The following AGBL4 variants were observed in gnomAD, a reference collection of about 807,000 sequenced individuals.
AGBL4 encodes the protein AGBL carboxypeptidase 4, also known as cytosolic carboxypeptidase 6.
In AGBL4, 58 loss-of-function variants were observed where a neutral mutation model predicts 66.4. The ratio of observed to expected loss-of-function variants is 0.87; its 90% CI spans 0.71 to 1.09. The LOEUF (loss-of-function observed/expected upper bound fraction) is 1.09, where lower values mean the gene tolerates loss of function less well. Among genes scored for constraint, AGBL4 ranks in the 50% least tolerant of loss-of-function variants. The pLI is 0.00. For synonymous variants in AGBL4, 234 were observed against 222.9 expected (o/e 1.05, Z -0.44); for missense variants, 579 against 631.0 (o/e 0.92, Z 0.88).
intron 6 of AGBL4, among the ~76,000 whole-genome samples, chr1:48,768,962 A>G (rs1226469656): frequency 6.6e-6 from 1 of 152,070 alleles, no homozygotes; most frequent in East Asian, 1.9e-4. Flanking sequence ...CCAAGACTAC[A>G]AAAAAAAGAG....
Position 49,662,012 on chromosome 1 carries a change from A to T in AGBL4, c.282+35301T>A, listed in dbSNP as rs555752969. Among the ~76,000 whole-genome samples the T allele has an allele frequency of 2.0e-5, 3 of 152,134 alleles. No homozygotes were observed. In the South Asian group the frequency reaches 6.2e-4, roughly 32 times the overall value. Reference sequence around the variant, plus strand: ...ATAATTTATTATTGATACATGTAACAACAAAAATAAATCTCAAGTAATCAT... The same window carrying T: ...ATAATTTATTATTGATACATGTAACTACAAAAATAAATCTCAAGTAATCAT... On this transcript the variant is annotated intron_variant, in intron 3 of 13. Transcript: ENST00000371839.
chr1:49,749,147 C>T (rs777538383), intron 2 of AGBL4, among the ~76,000 whole-genome samples: 4 of 152,052 alleles, frequency 2.6e-5, no homozygotes, highest in Non-Finnish European at 4.4e-5. Context: ...TTAGGTCTTA[C>T]GTTTAAGTCT....
At chr1:49,620,557 T>C (rs1390984311) in intron 3 of AGBL4, among the ~76,000 whole-genome samples, 2 of 152,256 alleles carry the variant, frequency 1.3e-5, no homozygotes, top group East Asian at 3.9e-4. Flanking sequence ...GAAGACAATA[T>C]GGTGATTCTT....
chr1:49,629,527 G>T (rs1267196073), intron 3 of AGBL4, among the ~76,000 whole-genome samples: 1 of 152,064 alleles, frequency 6.6e-6, no homozygotes, highest in East Asian at 1.9e-4. Flanking sequence ...AATGGCCACT[G>T]GGTTGTTCAT....
chr1:49,173,723 A>AAAGGTGAC (rs1646780011), intron 4 of AGBL4, among the ~76,000 whole-genome samples: 1 of 152,226 alleles, frequency 6.6e-6, no homozygotes, highest in East Asian at 1.9e-4. Context: ...TGTGGTCAGG[A>AAAGGTGAC]AAGGTGACAT....
intron 3 of AGBL4, among the ~76,000 whole-genome samples, chr1:49,624,931 G>A (rs1571200327): frequency 6.6e-6 from 1 of 152,218 alleles, no homozygotes. Flanking sequence ...GCAGAGATGA[G>A]ATTTTTTTTC....
At chr1:49,757,080 C>G (rs1352558982) in intron 2 of AGBL4, among the ~76,000 whole-genome samples, 1 of 152,054 alleles carries the variant, frequency 6.6e-6, no homozygotes, top group Non-Finnish European at 1.5e-5. Flanking sequence ...GGGGGCAGTT[C>G]CCTCATGCTG....
intron 6 of AGBL4, among the ~76,000 whole-genome samples, chr1:48,837,051 A>T (rs1029421284): frequency 6.7e-6 from 1 of 148,472 alleles, no homozygotes; most frequent in Admixed American, 6.7e-5. Context: ...ATATATAATT[A>T]TTAATTATAT....
At chr1:49,677,591 C>A (rs1442164961) in intron 3 of AGBL4, among the ~76,000 whole-genome samples, 1 of 152,102 alleles carries the variant, frequency 6.6e-6, no homozygotes, top group Non-Finnish European at 1.5e-5. Context: ...GGTGTTGGAG[C>A]AATACTGAGC....
chr1:48,815,389 G>T (rs1400570096), intron 6 of AGBL4, among the ~76,000 whole-genome samples: 4 of 152,088 alleles, frequency 2.6e-5, no homozygotes, highest in East Asian at 3.8e-4. Context: ...TTCAACCAGG[G>T]TGAGTAAATT....
intron 3 of AGBL4, among the ~76,000 whole-genome samples, chr1:49,440,183 C>T (rs893352670): frequency 6.6e-6 from 1 of 151,360 alleles, no homozygotes; most frequent in Admixed American, 6.6e-5. Context: ...CATTCTCCTG[C>T]CTCAACCTCC....
chr1:49,085,108 C>T (rs529668352), intron 4 of AGBL4, among the ~76,000 whole-genome samples: 14 of 152,014 alleles, frequency 9.2e-5, no homozygotes, highest in East Asian at 1.9e-4. Context: ...AAATAACCTA[C>T]GCAGGTGGAC....
chr1:49,297,687 C>G (rs1048971837), intron 3 of AGBL4, among the ~76,000 whole-genome samples: 3 of 152,114 alleles, frequency 2.0e-5, no homozygotes, highest in African/African-American at 7.2e-5. Flanking sequence ...ACAGTGGCAT[C>G]GGACAGTTTT....
intron 4 of AGBL4, among the ~76,000 whole-genome samples, chr1:49,130,810 T>G (rs924393054): frequency 1.3e-5 from 2 of 152,118 alleles, no homozygotes; most frequent in Admixed American, 1.3e-4. Flanking sequence ...CTTTTTTGGT[T>G]CCATATGAAC....
intron 4 of AGBL4, among the ~76,000 whole-genome samples, chr1:49,141,318 C>G (rs1428362587): frequency 6.6e-6 from 1 of 152,036 alleles, no homozygotes; most frequent in Non-Finnish European, 1.5e-5. Flanking sequence ...GAACCAAAGT[C>G]TAGGTGTAAA....
chr1:49,883,094 G>T (rs1027092820), intron 1 of AGBL4, among the ~76,000 whole-genome samples: 2 of 152,054 alleles, frequency 1.3e-5, no homozygotes, highest in Admixed American at 1.3e-4. Context: ...TAGTGAATTT[G>T]TTCATAATTT....
chr1:49,894,018 G>C (rs1007989966), intron 1 of AGBL4, among the ~76,000 whole-genome samples: 8 of 152,304 alleles, frequency 5.3e-5, no homozygotes, highest in African/African-American at 1.9e-4. Flanking sequence ...AGATGGCACA[G>C]CACAAAGAGA....
intron 4 of AGBL4, among the ~76,000 whole-genome samples, chr1:49,182,746 T>C (rs970405656): frequency 6.6e-6 from 1 of 152,168 alleles, no homozygotes; most frequent in Non-Finnish European, 1.5e-5. Flanking sequence ...TCATTATTAT[T>C]TGAGCTGCCT....
At chr1:48,999,184 G>A (rs1661222367) in intron 5 of AGBL4, among the ~76,000 whole-genome samples, 1 of 152,256 alleles carries the variant, frequency 6.6e-6, no homozygotes, top group Non-Finnish European at 1.5e-5. Flanking sequence ...TGACCCTTAA[G>A]GTCCCTTCCA....
Sources: gnomAD v4.1 joint callset for allele counts (sites outside exome capture counted in the v4.1 genomes callset) on GRCh38, gnomAD v4.1.1 for gene constraint, MANE v1.5 for transcripts, NCBI Gene and HGNC (gene_info 2026-07-23, HGNC 2026-07-21) for gene names.